Variants in CALN1 observed in about 807,000 individuals in gnomAD.
CALN1 encodes calneuron 1, also known as calcium-binding protein 8.
In CALN1, 17 loss-of-function variants were observed where a neutral mutation model predicts 30.6. That is an observed-to-expected ratio of 0.56 (90% CI 0.38 to 0.83). The LOEUF is 0.83. Ranked by LOEUF, CALN1 falls within the 40% of genes least tolerant of loss-of-function variation. CALN1 has a pLI of 0.00. For missense variants in CALN1, 291 were observed against 354.9 expected, an observed-to-expected ratio of 0.82 and a Z score of 1.45; for synonymous variants, 156 against 131.4, an observed-to-expected ratio of 1.19 and a Z score of -1.28.
intron 5 of CALN1, among the ~76,000 whole-genome samples, chr7:71,814,388 G>C (rs530956402): frequency 6.6e-6 from 1 of 152,290 alleles, no homozygotes; most frequent in Non-Finnish European, 1.5e-5. Context: ...AGCATCATGA[G>C]ATTCTAGAGC....
At chr7:71,977,530 A>C (rs1798158646) in intron 5 of CALN1, among the ~76,000 whole-genome samples, 1 of 152,162 alleles carries the variant, frequency 6.6e-6, no homozygotes, top group South Asian at 2.1e-4. Flanking sequence ...CAGATTTTAC[A>C]ATCAGAGGGG....
chr7:71,863,687 G>A (rs1203391352), intron 5 of CALN1, among the ~76,000 whole-genome samples: 1 of 151,744 alleles, frequency 6.6e-6, no homozygotes, highest in African/African-American at 2.4e-5. Flanking sequence ...AAGGCTCCAC[G>A]CAGGAGTCTG....
intron 4 of CALN1, among the ~76,000 whole-genome samples, chr7:72,035,607 T>G (rs11769556): frequency 0.13 from 19,661 of 152,196 alleles, 1,627 homozygotes; most frequent in Middle Eastern, 0.2. Flanking sequence ...ATTTCCTTTT[T>G]GTGTATATTT....
chr7:72,175,135 G>A lies in CALN1; in HGVS notation c.245-68841C>T, dbSNP rs370971246. Reference sequence around the variant, plus strand: ...GTCACCCAGGCTGGAGTGCAGTGGCGCAATCTCGGCTCACTGCAAGCTCCG... The same window carrying A: ...GTCACCCAGGCTGGAGTGCAGTGGCACAATCTCGGCTCACTGCAAGCTCCG... On this transcript the variant is annotated intron_variant, in intron 3 of 6. Coordinates refer to ENST00000395275, the MANE Select transcript of CALN1 (RefSeq NM_031468.4). Among the ~76,000 whole-genome samples, 17 of 151,552 alleles carry A rather than the reference G, an allele frequency of 1.1e-4. 1 individual carries two copies. In the East Asian group the frequency reaches 2.7e-3, roughly 24 times the overall value.
At chr7:72,031,276 C>T (rs948487172) in intron 4 of CALN1, among the ~76,000 whole-genome samples, 3 of 152,162 alleles carry the variant, frequency 2.0e-5, no homozygotes, top group Non-Finnish European at 4.4e-5. Flanking sequence ...AAATGGCTCC[C>T]TGTGGTCTAG....
At chr7:72,258,953 C>T (rs1278766637) in intron 3 of CALN1, among the ~76,000 whole-genome samples, 1 of 151,266 alleles carries the variant, frequency 6.6e-6, no homozygotes, top group Non-Finnish European at 1.5e-5. Flanking sequence ...TGGTGGCACA[C>T]ACCTATAATT....
Position 72,214,625 on chromosome 7 carries a change from GA to G in CALN1, c.244+64060del, listed in dbSNP as rs1003518152. On this transcript the variant is annotated intron_variant, in intron 3 of 6. Coordinates refer to ENST00000395275, the MANE Select transcript of CALN1 (RefSeq NM_031468.4). ...AGAGCGAGATCTTGTCTCAAGAAAA[GA>G]AAAAAAAATAGGTCTTCTACAATCA... 2.8e-4 allele frequency among the ~76,000 whole-genome samples: 43 copies of G among 150,952 alleles called. 1 individual carries two copies. The highest frequency in any genetic ancestry group is 7.5e-4 in the African/African-American group (31 of 41,138).
intron 4 of CALN1, among the ~76,000 whole-genome samples, 200 bp downstream of exon 4, chr7:72,105,951 T>C (rs890227891): frequency 1.3e-5 from 2 of 151,966 alleles, no homozygotes; most frequent in Non-Finnish European, 2.9e-5. Flanking sequence ...CCCCATCCTA[T>C]AGTGGCCCTG....
At chr7:71,924,800 GTCAA>G (rs959810846) in intron 5 of CALN1, among the ~76,000 whole-genome samples, 2 of 151,926 alleles carry the variant, frequency 1.3e-5, no homozygotes, top group African/African-American at 4.8e-5. Context: ...TTCTATTGTT[GTCAA>G]TCATTTAACT....
chr7:72,083,943 T>TCA (rs1483403427), intron 4 of CALN1, among the ~76,000 whole-genome samples: 1 of 152,000 alleles, frequency 6.6e-6, no homozygotes, highest in Non-Finnish European at 1.5e-5. Flanking sequence ...GTGTGGTGGC[T>TCA]CACGCCTGTA....
intron 6 of CALN1, among the ~76,000 whole-genome samples, chr7:71,806,729 C>CG (rs1787647479): frequency 6.6e-6 from 1 of 152,116 alleles, no homozygotes; most frequent in African/African-American, 2.4e-5. Flanking sequence ...GACCCCCCCC[C>CG]AGGGAGCTGA....
At chr7:72,486,978 C>G in the CALN1 span, among the ~76,000 whole-genome samples, 1 of 152,144 alleles carries the variant, frequency 6.6e-6, no homozygotes, top group Non-Finnish European at 1.5e-5. Context: ...GCCACATTCA[C>G]GGGAGTATTC....
At position 72,278,753 on chromosome 7, in the gene CALN1, G is replaced by T. The variant is rs1424072253; in HGVS notation, c.177C>A (p.Leu59=). Reference sequence around the variant, plus strand: ...CACTGCCAGCAGAGAGCGATCGGTTGAGGTAATTCCCCTTGTACAACAAGC... The same window carrying T: ...CACTGCCAGCAGAGAGCGATCGGTTTAGGTAATTCCCCTTGTACAACAAGC... ...TAGLLYKGNY[L]NRSLSAGSDS... is the part of the protein sequence containing the mutation. The change falls in exon 3 of 7, where the codon CTC becomes CTA. Residue 59 remains leucine (L), a synonymous_variant. Transcript: ENST00000395275. The T allele has an allele frequency of 1.2e-6, 2 of 1,613,982 alleles. No individual in the cohort carries two copies. The highest frequency in any genetic ancestry group is 3.3e-5 in the Admixed American group (2 of 60,002).
intron 2 of CALN1, among the ~76,000 whole-genome samples, chr7:72,314,314 G>A (rs1585452241): frequency 1.3e-5 from 2 of 151,458 alleles, no homozygotes; most frequent in South Asian, 2.1e-4. Context: ...TGATTTCTAA[G>A]CTATGTGCAA....
At chr7:71,998,671 G>A (rs1463906287) in intron 5 of CALN1, among the ~76,000 whole-genome samples, 1 of 151,098 alleles carries the variant, frequency 6.6e-6, no homozygotes, top group Non-Finnish European at 1.5e-5. Context: ...CCCAGTTCAA[G>A]CAATTATCAT....
Position 72,163,018 on chromosome 7 carries a change from G to A in CALN1, c.245-56724C>T, listed in dbSNP as rs576215179. Among the ~76,000 whole-genome samples the A allele has an allele frequency of 3.9e-5, 6 of 152,348 alleles. No individual in the cohort carries two copies. In the South Asian group the frequency reaches 1.2e-3, roughly 32 times the overall value. On this transcript the variant is annotated intron_variant, in intron 3 of 6. Coordinates refer to ENST00000395275, the MANE Select transcript of CALN1 (RefSeq NM_031468.4). Reference sequence around the variant, plus strand: ...CACAGGAGCACAAGGGGACAGAATTGCCAGAATGCTGAAAGTGCTGAGCAG... The same window carrying A: ...CACAGGAGCACAAGGGGACAGAATTACCAGAATGCTGAAAGTGCTGAGCAG...
Position 71,889,199 on chromosome 7 carries a change from T to C in CALN1, c.502-78707A>G, listed in dbSNP as rs528494135. 6.6e-5 allele frequency among the ~76,000 whole-genome samples: 10 copies of C among 152,346 alleles called. No homozygotes were observed. The East Asian group carries it at 1.7e-3, about 26-fold the overall frequency. ...ATTTACTTCTCACAGCTCTGGAGACTGGGAAGTCCAAGATCAAGGCATCAG... is the reference window on the plus strand; with the variant it reads ...ATTTACTTCTCACAGCTCTGGAGACCGGGAAGTCCAAGATCAAGGCATCAG... On this transcript the variant is annotated intron_variant, in intron 5 of 6. Coordinates refer to ENST00000395275, the MANE Select transcript of CALN1 (RefSeq NM_031468.4).
At chr7:72,278,218 TTCC>T (rs1330012037) in intron 3 of CALN1, among the ~76,000 whole-genome samples, 2 of 152,046 alleles carry the variant, frequency 1.3e-5, no homozygotes, top group African/African-American at 4.8e-5. Flanking sequence ...TAGACAAAGC[TTCC>T]AGATGATTCT....
At chr7:72,455,943 T>G in the CALN1 span, among the ~76,000 whole-genome samples, 2 of 152,090 alleles carry the variant, frequency 1.3e-5, no homozygotes, top group African/African-American at 4.8e-5. Flanking sequence ...TCCCAGCACT[T>G]TGGGAGGCCA....
Sources: gnomAD v4.1 joint callset for allele counts (sites outside exome capture counted in the v4.1 genomes callset) on GRCh38, gnomAD v4.1.1 for gene constraint, MANE v1.5 for transcripts, NCBI Gene and HGNC (gene_info 2026-07-23, HGNC 2026-07-21) for gene names.